Variants in SEC61A1 observed in about 807,000 individuals in gnomAD.
The protein encoded by SEC61A1 is SEC61 translocon subunit alpha 1, also known as protein transport protein Sec61 subunit alpha isoform 1.
Under a neutral mutation model 55.2 loss-of-function variants are expected in SEC61A1, and 15 were observed. That is an observed-to-expected ratio of 0.27 (90% confidence interval 0.18 to 0.42). SEC61A1 has a LOEUF of 0.42. Among genes scored for constraint, SEC61A1 ranks in the 10% least tolerant of loss-of-function variants. SEC61A1 has a pLI of 1.00. For missense variants in SEC61A1, 284 were observed against 602.6 expected (o/e 0.47, Z 5.53); for synonymous variants, 247 against 234.0 (o/e 1.06, Z -0.51).
Position 128,052,535 on chromosome 3 carries a change from G to T in SEC61A1, c.-18G>T. On this transcript the variant is annotated 5_prime_UTR_variant, in exon 1 of 12. Coordinates refer to ENST00000243253, the MANE Select transcript of SEC61A1 (RefSeq NM_013336.4). ...GAGCTGAGCTGAAGCGGGACCCGGA[G>T]CCCGAGCAGCCGCCGCCATGGCAAG... The T allele has an allele frequency of 6.3e-7, 1 of 1,596,608 alleles. No individual in the cohort carries two copies. The highest frequency in any genetic ancestry group is 8.5e-7 in the Non-Finnish European group (1 of 1,172,590).
chr3:128,056,217 T>A (rs1374684322), intron 4 of SEC61A1, among the ~76,000 whole-genome samples: 1 of 152,232 alleles, frequency 6.6e-6, no homozygotes, highest in Admixed American at 6.5e-5. Flanking sequence ...TGTAGGTTGA[T>A]ACTGCATTTG....
At chr3:128,064,395 CT>C (rs1941899465) in intron 7 of SEC61A1, among the ~76,000 whole-genome samples, 1 of 152,086 alleles carries the variant, frequency 6.6e-6, no homozygotes, top group African/African-American at 2.4e-5. Context: ...AATCCCAACA[CT>C]TTGGGAGGGT....
chr3:128,069,001 A>T (rs551653578), intron 11 of SEC61A1: 1 of 152,680 alleles, frequency 6.5e-6, no homozygotes, highest in African/African-American at 2.4e-5. Flanking sequence ...AATTTAGTTC[A>T]TTCTCTTAAT....
In SEC61A1 at chr3:128,071,185, G is replaced by C. The variant is rs1159687689; in HGVS notation, c.*1523G>C. The C allele has an allele frequency of 6.5e-6, 1 of 152,858 alleles. No individual in the cohort carries two copies. The highest frequency in any genetic ancestry group is 1.5e-5 in the Non-Finnish European group (1 of 68,554). 9.5% of individuals were successfully genotyped at this position (152,858 alleles called of 1,614,324 possible). A position where few individuals can be genotyped will look rare whatever the true frequency, so the allele number is the denominator to read the frequency against. ...GTGACCAAGGGACAAGAAGGGACTTGCCTAAAGCCACCCAGCAACTCAGCA... is the reference window on the plus strand; with the variant it reads ...GTGACCAAGGGACAAGAAGGGACTTCCCTAAAGCCACCCAGCAACTCAGCA... On this transcript the variant is annotated 3_prime_UTR_variant, in exon 12 of 12. Transcript: ENST00000243253.
At chr3:128,058,494 G>T (rs768982157) in intron 5 of SEC61A1, among the ~76,000 whole-genome samples, 1 of 152,138 alleles carries the variant, frequency 6.6e-6, no homozygotes, top group African/African-American at 2.4e-5. Flanking sequence ...GATTACAGGC[G>T]TGAGCCACAG....
chr3:128,051,944 G>A, upstream of SEC61A1: 1 of 1,490,912 alleles, frequency 6.7e-7, no homozygotes, highest in Non-Finnish European at 9.0e-7. Flanking sequence ...TACTCAGCAG[G>A]TAATGACGGA....
chr3:128,066,860 G>C, intron 8 of SEC61A1, 94 bp from the exon 9 acceptor site: 1 of 1,208,812 alleles, frequency 8.3e-7, no homozygotes, highest in Non-Finnish European at 1.2e-6. Context: ...TTCCTCCCTT[G>C]TGGCCCACTG....
intron 7 of SEC61A1, among the ~76,000 whole-genome samples, chr3:128,063,569 T>G (rs1941884100): frequency 6.6e-6 from 1 of 152,210 alleles, no homozygotes; most frequent in Admixed American, 6.5e-5. Context: ...ACTCCTGACC[T>G]TGTGATCCGC....
rs1232949970 is a variant in SEC61A1 at position 128,067,330 on chromosome 3, T to C, written c.976-91T>C. Reference sequence around the variant, plus strand: ...TTGTACTGTGGGCACCGAGTAAAATTGCATTCTTTCATCTGCTCAGAACTA... The same window carrying C: ...TTGTACTGTGGGCACCGAGTAAAATCGCATTCTTTCATCTGCTCAGAACTA... On this transcript the variant is annotated intron_variant, in intron 9 of 11. Coordinates refer to ENST00000243253, the MANE Select transcript of SEC61A1 (RefSeq NM_013336.4). This position sits in a 1 kb window ranked among gnomAD's most constrained non-coding sequence, Gnocchi z 4.1. 2 of 1,407,480 alleles carry C rather than the reference T, an allele frequency of 1.4e-6. No homozygotes were observed. Among genetic ancestry groups the C allele is most frequent in the Non-Finnish European group, 1.9e-6 (2 of 1,027,748 alleles). The allele number at this position is 1,407,480 out of a possible 1,614,324, so 87.2% of individuals were successfully genotyped here.
chr3:128,067,406 TTTC>T lies in SEC61A1; in HGVS notation c.976-8_976-6del. The T allele has an allele frequency of 6.2e-7, 1 of 1,603,866 alleles. No homozygotes were observed. Among genetic ancestry groups the T allele is most frequent in the Non-Finnish European group, 8.5e-7 (1 of 1,176,098 alleles). The stretch of plus-strand genomic sequence containing the variant: ...TGAAGGAGCACTCACATGCGTTTGG[TTTC>T]TTCTTCCCCAGGACACGTCTTCTGG... On this transcript the variant is annotated splice_polypyrimidine_tract_variant and intron_variant, in intron 9 of 11. Transcript: ENST00000243253. The surrounding 1 kb of genome is among the most constrained non-coding windows in gnomAD (Gnocchi z 4.1).
At chr3:128,060,739 C>A in intron 7 of SEC61A1, 78 bp downstream of exon 7, 2 of 1,371,758 alleles carry the variant, frequency 1.5e-6, no homozygotes, top group South Asian at 1.4e-5. Flanking sequence ...AGACAAAAAT[C>A]CCCCCATTCC....
At position 128,071,076 on chromosome 3, in the gene SEC61A1, C is replaced by T. The variant is rs1942153575; in HGVS notation, c.*1414C>T. 1 of 152,262 alleles carries T rather than the reference C, an allele frequency of 6.6e-6. No individual in the cohort carries two copies. Among genetic ancestry groups the T allele is most frequent in the South Asian group, 2.1e-4 (1 of 4,834 alleles). The allele number at this position is 152,262 out of a possible 1,614,324, so 9.4% of individuals were successfully genotyped here. A position where few individuals can be genotyped will look rare whatever the true frequency, so the allele number is the denominator to read the frequency against. On this transcript the variant is annotated 3_prime_UTR_variant, in exon 12 of 12. Coordinates refer to ENST00000243253, the MANE Select transcript of SEC61A1 (RefSeq NM_013336.4). The stretch of plus-strand genomic sequence containing the variant: ...CACTCTGACAGTGGGCACACGGCAG[C>T]CTGCAAAGCACAGGGCCACCGCCAC...
intron 5 of SEC61A1, 42 bp from the exon 6 acceptor site, chr3:128,060,060 G>A (rs756431447): frequency 1.4e-6 from 2 of 1,411,966 alleles, no homozygotes; most frequent in East Asian, 2.3e-5. Context: ...TTTGTTCTGT[G>A]TAGTGACCCA....
Position 128,052,443 on chromosome 3 carries a change from T to G in SEC61A1, c.-110T>G. 7.0e-7 allele frequency: 1 copy of G among 1,427,200 alleles called. No individual in the cohort carries two copies. The highest frequency in any genetic ancestry group is 9.2e-7 in the Non-Finnish European group (1 of 1,087,902). The allele number at this position is 1,427,200 out of a possible 1,614,324, so 88.4% of individuals were successfully genotyped here. A position where few individuals can be genotyped will look rare whatever the true frequency, so the allele number is the denominator to read the frequency against. Reference sequence around the variant, plus strand: ...TTGCCGCCGGGCTAGCACTGACGTGTCTCTCGGCGGAGCTGCTGTGCAGTG... The same window carrying G: ...TTGCCGCCGGGCTAGCACTGACGTGGCTCTCGGCGGAGCTGCTGTGCAGTG... On this transcript the variant is annotated 5_prime_UTR_variant, in exon 1 of 12. Coordinates refer to ENST00000243253, the MANE Select transcript of SEC61A1 (RefSeq NM_013336.4).
At chr3:128,053,512 C>T (rs1361623951) in intron 2 of SEC61A1, among the ~76,000 whole-genome samples, 1 of 151,772 alleles carries the variant, frequency 6.6e-6, no homozygotes, top group Non-Finnish European at 1.5e-5. Context: ...CAGCTGTCAA[C>T]GAAAAAAAGT....
chr3:128,059,297 C>T (rs1941820156), intron 5 of SEC61A1, among the ~76,000 whole-genome samples: 1 of 152,024 alleles, frequency 6.6e-6, no homozygotes, highest in Non-Finnish European at 1.5e-5. Flanking sequence ...CACAGTGAAA[C>T]CCTGTCTACA....
At chr3:128,055,822 G>A (rs2107641740) in intron 4 of SEC61A1, 71 bp downstream of exon 4, 1 of 1,263,872 alleles carries the variant, frequency 7.9e-7, no homozygotes, top group Non-Finnish European at 1.1e-6. Flanking sequence ...AAATTAATAG[G>A]CTTTGGCTTT....
At chr3:128,059,224 C>A (rs9842795) in intron 5 of SEC61A1, among the ~76,000 whole-genome samples, 35,133 of 151,456 alleles carry the variant, frequency 0.23, 4,124 homozygotes, top group South Asian at 0.27. Context: ...CTGTAATCCC[C>A]GCACTTTGGG....
chr3:128,062,054 G>T (rs1941859939), intron 7 of SEC61A1, among the ~76,000 whole-genome samples: 1 of 152,254 alleles, frequency 6.6e-6, no homozygotes, highest in African/African-American at 2.4e-5. Context: ...GGAGAGCACT[G>T]TGTGAGGGCA....
Sources: allele counts gnomAD v4.1 joint callset (sites outside exome capture counted in the v4.1 genomes callset), GRCh38; gene constraint gnomAD v4.1.1; non-coding constraint Gnocchi (gnomAD v3.1); transcripts MANE v1.5; gene names NCBI Gene and HGNC (gene_info 2026-07-23, HGNC 2026-07-21).